The following EIF2S3B variants were observed in gnomAD, a reference collection of about 807,000 sequenced individuals.
The protein encoded by EIF2S3B is eukaryotic translation initiation factor 2 subunit 3B.
EIF2S3B carries 16 observed loss-of-function variants against 26.4 expected under a neutral mutation model. The observed-to-expected ratio is 0.61, with a 90% CI of 0.41 to 0.92. The LOEUF is 0.92. EIF2S3B is among the 40% of genes least tolerant of loss of function. EIF2S3B has a pLI of 0.00. For missense variants in EIF2S3B, 510 were observed against 575.5 expected (o/e 0.89, Z 1.16); for synonymous variants, 183 against 204.4 (o/e 0.90, Z 0.89).
intron 1 of EIF2S3B, among the ~76,000 whole-genome samples, chr12:10,515,195 A>G (rs145419396): frequency 5.3e-5 from 8 of 152,014 alleles, no homozygotes; most frequent in East Asian, 1.9e-4. Context: ...CTTCACATCA[A>G]TTATGATCTA....
chr12:10,518,881 C>G (rs546530308), intron 1 of EIF2S3B, among the ~76,000 whole-genome samples: 2 of 152,280 alleles, frequency 1.3e-5, no homozygotes, highest in East Asian at 3.9e-4. Flanking sequence ...AATGGAAGAA[C>G]ATTCCATGCT....
downstream of EIF2S3B, among the ~76,000 whole-genome samples, chr12:10,510,129 T>G (rs1215312675): frequency 2.6e-5 from 4 of 152,204 alleles, no homozygotes; most frequent in Non-Finnish European, 5.9e-5. Flanking sequence ...AATAGTCTGA[T>G]GTATACTAAA....
At chr12:10,508,936 C>T (rs896529186), downstream of EIF2S3B, among the ~76,000 whole-genome samples, 18 of 151,856 alleles carry the variant, frequency 1.2e-4, no homozygotes, top group Non-Finnish European at 4.4e-5. Flanking sequence ...AAAATCTGAC[C>T]TCCTTCAAAA....
rs1237326931 is a variant in EIF2S3B, at chr12:10,507,063, A to G, written c.1161A>G (p.Glu387=). The stretch of plus-strand genomic sequence containing the variant: ...GACGGCTTCTAGGTGTACGCACTGA[A>G]GGAGACAAGAAAGCAGCAAAGGTTC... The part of the protein sequence containing the change: ...LLRRLLGVRT[E]GDKKAAKVQK... The change falls in exon 1 of 1, where the codon GAA becomes GAG. Residue 387 remains glutamate (E), a synonymous_variant. Coordinates refer to ENST00000538173, the MANE Select transcript of EIF2S3B (RefSeq NM_001357734.3). The G allele has an allele frequency of 1.2e-6, 2 of 1,613,826 alleles. No individual in the cohort carries two copies. Among genetic ancestry groups the G allele is most frequent in the Non-Finnish European group, 1.7e-6 (2 of 1,179,698 alleles).
rs1355089104 is a variant in EIF2S3B, at chr12:10,508,364, G to A, written c.*1043G>A. ...TGAAATCCAATAGTCTTCCTCCATTGGAAAATACTGTTATACCAAATAATT... is the reference window on the plus strand; with the variant it reads ...TGAAATCCAATAGTCTTCCTCCATTAGAAAATACTGTTATACCAAATAATT... On this transcript the variant is annotated 3_prime_UTR_variant, in exon 1 of 1. Transcript: ENST00000538173. Among the ~76,000 whole-genome samples the A allele has an allele frequency of 6.6e-6, 1 of 151,720 alleles. No individual in the cohort carries two copies. Among genetic ancestry groups the A allele is most frequent in the African/African-American group, 2.4e-5 (1 of 41,280 alleles).
At chr12:10,516,212 C>T (rs1241601497) in intron 1 of EIF2S3B, among the ~76,000 whole-genome samples, 1 of 151,750 alleles carries the variant, frequency 6.6e-6, no homozygotes, top group East Asian at 1.9e-4. Flanking sequence ...TCTCTAGAAC[C>T]TTATAGTTTA....
chr12:10,517,211 G>A (rs147288175), intron 1 of EIF2S3B, among the ~76,000 whole-genome samples: 3 of 152,112 alleles, frequency 2.0e-5, no homozygotes, highest in African/African-American at 7.2e-5. Flanking sequence ...TGTATCTCTG[G>A]TAGAATTCAG....
chr12:10,514,166 T>C (rs978443254), intron 1 of EIF2S3B, among the ~76,000 whole-genome samples: 2 of 152,210 alleles, frequency 1.3e-5, no homozygotes, highest in Admixed American at 6.5e-5. Context: ...GTTTTAGCCA[T>C]TGCAATCTAC....
rs773429285 is a variant in EIF2S3B, at chr12:10,506,192, C to T, written c.290C>T (p.Pro97Leu). 8 of 1,580,638 alleles carry T rather than the reference C, an allele frequency of 5.1e-6. No homozygotes were observed. The highest frequency in any genetic ancestry group is 7.0e-6 in the Non-Finnish European group (8 of 1,149,672). Residue 97 changes from proline (P) to leucine (L), a missense_variant, in exon 1 of 1, where the codon CCT (proline) becomes CTT (leucine). Pro to Leu is a moderately conservative substitution (Grantham distance 98). Coordinates refer to ENST00000538173, the MANE Select transcript of EIF2S3B (RefSeq NM_001357734.3). Reference sequence around the variant, plus strand: ...TATCAACTTGATGACCCAAGTTGCCCTCGGCCAGAATGTTATCGATCTTGT... The same window carrying T: ...TATCAACTTGATGACCCAAGTTGCCTTCGGCCAGAATGTTATCGATCTTGT... The part of the protein sequence containing the change: ...KIYQLDDPSC[P>L]RPECYRSCGS...
intron 1 of EIF2S3B, among the ~76,000 whole-genome samples, chr12:10,518,367 T>A (rs975332817): frequency 3.2e-4 from 48 of 152,296 alleles, no homozygotes; most frequent in Middle Eastern, 3.4e-3. Flanking sequence ...GCCTTCTTTG[T>A]GTCTTTTGAT....
downstream of EIF2S3B, among the ~76,000 whole-genome samples, chr12:10,508,525 CAAAA>C: frequency 4.1e-4 from 26 of 62,992 alleles, no homozygotes; most frequent in Admixed American, 1.5e-3. Flanking sequence ...TGTTAGAAAG[CAAAA>C]AAAAAAAAAA....
downstream of EIF2S3B, among the ~76,000 whole-genome samples, chr12:10,511,746 G>T (rs930443488): frequency 2.6e-5 from 4 of 152,030 alleles, no homozygotes; most frequent in African/African-American, 9.7e-5. Flanking sequence ...GTTTATAATG[G>T]ATTCATTGAA....
At chr12:10,513,409 T>C (rs1001994644), downstream of EIF2S3B, among the ~76,000 whole-genome samples, 2 of 152,174 alleles carry the variant, frequency 1.3e-5, no homozygotes, top group Non-Finnish European at 2.9e-5. Context: ...AAATCAACAC[T>C]GGGGTGGGAG....
chr12:10,522,129 A>G (rs1472967815), intron 1 of EIF2S3B, among the ~76,000 whole-genome samples: 1 of 152,168 alleles, frequency 6.6e-6, no homozygotes, highest in Non-Finnish European at 1.5e-5. Flanking sequence ...TTATTTTCAG[A>G]TCCAACTTTC....
intron 1 of EIF2S3B, among the ~76,000 whole-genome samples, chr12:10,513,954 G>A (rs994183536): frequency 1.3e-5 from 2 of 152,174 alleles, no homozygotes; most frequent in Non-Finnish European, 2.9e-5. Flanking sequence ...GGTGGAGGTT[G>A]CAGTAAGCTG....
At chr12:10,509,238 TC>T (rs1364101057), downstream of EIF2S3B, among the ~76,000 whole-genome samples, 2 of 152,146 alleles carry the variant, frequency 1.3e-5, no homozygotes, top group Non-Finnish European at 2.9e-5. Flanking sequence ...ACAGTATTTT[TC>T]TAGCATTCTA....
At chr12:10,514,091 C>T (rs894012333) in intron 1 of EIF2S3B, among the ~76,000 whole-genome samples, 2 of 152,052 alleles carry the variant, frequency 1.3e-5, no homozygotes, top group African/African-American at 4.8e-5. Flanking sequence ...AATTTTTTTT[C>T]TTAGCCATAA....
intron 1 of EIF2S3B, among the ~76,000 whole-genome samples, chr12:10,514,474 A>T (rs1247456672): frequency 6.6e-6 from 1 of 152,140 alleles, no homozygotes; most frequent in Non-Finnish European, 1.5e-5. Flanking sequence ...GATCTCAGAC[A>T]TTTAATCCTT....
In EIF2S3B at chr12:10,505,984, T is replaced by C. The variant is rs2137938514; in HGVS notation, c.82T>C (p.Leu28=). ...QDLTTLDVTK[L]TPLSHEVISR... is the part of the protein sequence containing the mutation. The stretch of plus-strand genomic sequence containing the variant: ...TCTCACCACCTTGGATGTTACCAAG[T>C]TGACGCCACTTTCACACGAAGTTAT... Residue 28 remains leucine, a synonymous_variant, in exon 1 of 1, where the codon TTG becomes CTG. Coordinates refer to ENST00000538173, the MANE Select transcript of EIF2S3B (RefSeq NM_001357734.3). 1.2e-6 allele frequency: 2 copies of C among 1,605,930 alleles called. No individual in the cohort carries two copies. The highest frequency in any genetic ancestry group is 4.5e-5 in the East Asian group (2 of 44,848).
Sources: gnomAD v4.1 joint callset for allele counts (sites outside exome capture counted in the v4.1 genomes callset) on GRCh38, gnomAD v4.1.1 for gene constraint, MANE v1.5 for transcripts, NCBI Gene and HGNC (gene_info 2026-07-23, HGNC 2026-07-21) for gene names.